The following SIPA1L1 variants were observed in gnomAD, a reference collection of about 807,000 sequenced individuals.
SIPA1L1 encodes the protein signal-induced proliferation-associated 1-like protein 1.
In SIPA1L1, 26 loss-of-function variants were observed where a neutral mutation model predicts 162.7. The ratio of observed to expected loss-of-function variants is 0.16; its 90% CI spans 0.12 to 0.22. The LOEUF (loss-of-function observed/expected upper bound fraction) is 0.22. Among genes scored for constraint, SIPA1L1 ranks in the 10% least tolerant of loss-of-function variants. The pLI is 1.00. For synonymous variants in SIPA1L1, 829 were observed against 837.4 expected (o/e 0.99, Z 0.17); for missense variants, 1,874 against 2,241.0 (o/e 0.84, Z 3.31).
intron 5 of SIPA1L1, among the ~76,000 whole-genome samples, chr14:71,594,412 A>T (rs909296497): frequency 6.6e-6 from 1 of 152,162 alleles, no homozygotes; most frequent in African/African-American, 2.4e-5. Flanking sequence ...TTGTGTGCTT[A>T]TTTTGTTTAT....
chr14:71,481,641 G>C (rs2048360067), intron 2 of SIPA1L1, among the ~76,000 whole-genome samples: 2 of 152,210 alleles, frequency 1.3e-5, no homozygotes, highest in South Asian at 4.1e-4. Flanking sequence ...ATATAGTTCA[G>C]TGGATTCCTA....
intron 4 of SIPA1L1, among the ~76,000 whole-genome samples, chr14:71,576,840 T>C (rs1466483701): frequency 6.6e-6 from 1 of 152,036 alleles, no homozygotes; most frequent in Non-Finnish European, 1.5e-5. Flanking sequence ...AATCCCAGAC[T>C]TTGGGAAGCC....
intron 2 of SIPA1L1, among the ~76,000 whole-genome samples, chr14:71,464,996 C>T (rs1464318929): frequency 1.3e-5 from 2 of 152,070 alleles, no homozygotes; most frequent in Non-Finnish European, 2.9e-5. Flanking sequence ...TCACTGTTGC[C>T]TCAGGCCACT....
At chr14:71,694,871 G>A (rs2081508913) in intron 13 of SIPA1L1, among the ~76,000 whole-genome samples, 2 of 152,206 alleles carry the variant, frequency 1.3e-5, no homozygotes, top group Admixed American at 1.3e-4. Context: ...ACTGGACTCA[G>A]CAGCTCTTAA....
At chr14:71,705,016 G>A (rs1188911283) in intron 15 of SIPA1L1, 2 of 610,838 alleles carry the variant, frequency 3.3e-6, no homozygotes, top group Admixed American at 2.9e-5. Flanking sequence ...GACGTGACAA[G>A]TTGTCACCAG....
intron 16 of SIPA1L1, among the ~76,000 whole-genome samples, chr14:71,707,164 C>T (rs1259991890): frequency 6.6e-6 from 1 of 151,466 alleles, no homozygotes; most frequent in Non-Finnish European, 1.5e-5. Flanking sequence ...CACACAGTTC[C>T]TTCTCTTCTC....
intron 2 of SIPA1L1, among the ~76,000 whole-genome samples, chr14:71,464,546 C>T (rs2046842621): frequency 1.3e-5 from 2 of 152,114 alleles, no homozygotes; most frequent in African/African-American, 2.4e-5. Flanking sequence ...GAGGCTAAGG[C>T]AGGAGAATCT....
At chr14:71,388,582 A>G (rs912607167) in intron 2 of SIPA1L1, among the ~76,000 whole-genome samples, 1 of 152,188 alleles carries the variant, frequency 6.6e-6, no homozygotes, top group Admixed American at 6.5e-5. Context: ...CCCACACGTC[A>G]CACGTGCTCT....
At chr14:71,341,608 C>CTG (rs2035660580) in intron 2 of SIPA1L1, among the ~76,000 whole-genome samples, 1 of 152,126 alleles carries the variant, frequency 6.6e-6, no homozygotes, top group Non-Finnish European at 1.5e-5. Flanking sequence ...TATGCAGGTA[C>CTG]TGAGCATCGT....
rs1567100923 is a variant in SIPA1L1, at chr14:71,492,903, G to A, written c.-464-19840G>A. On this transcript the variant is annotated intron_variant, in intron 2 of 23. Transcript: ENST00000381232. Reference sequence around the variant, plus strand: ...GGCCTCCCAAAGTGCTGGGATTATAGGCATGAGCCATTGTGCCCAGCCAGT... The same window carrying A: ...GGCCTCCCAAAGTGCTGGGATTATAAGCATGAGCCATTGTGCCCAGCCAGT... Among the ~76,000 whole-genome samples the A allele has an allele frequency of 3.3e-5, 5 of 151,950 alleles. No individual in the cohort carries two copies. The South Asian group carries it at 8.3e-4, about 25-fold the overall frequency.
Position 71,377,184 on chromosome 14 carries a change from C to T in SIPA1L1, c.-465+56003C>T, listed in dbSNP as rs1000891635. On this transcript the variant is annotated intron_variant, in intron 2 of 23. Coordinates refer to ENST00000381232, the MANE Select transcript of SIPA1L1 (RefSeq NM_001386936.1). This position sits in a 1 kb window ranked among gnomAD's most constrained non-coding sequence, Gnocchi z 4.8. ...AGCCCCCACCTCCCAGATGGGGCGGCGGCCGGGTGGGGGCGCCCCCCCACC... is the reference window on the plus strand; with the variant it reads ...AGCCCCCACCTCCCAGATGGGGCGGTGGCCGGGTGGGGGCGCCCCCCCACC... Among the ~76,000 whole-genome samples, 13 of 150,210 alleles carry T rather than the reference C, an allele frequency of 8.7e-5. No homozygotes were observed. The highest frequency in any genetic ancestry group is 8.2e-4 in the East Asian group (4 of 4,904).
intron 14 of SIPA1L1, among the ~76,000 whole-genome samples, chr14:71,699,635 GAGAA>G (rs1303630481): frequency 6.6e-6 from 1 of 152,202 alleles, no homozygotes; most frequent in Non-Finnish European, 1.5e-5. Context: ...GACCATGTGG[GAGAA>G]AGAACTGAGG....
intron 8 of SIPA1L1, among the ~76,000 whole-genome samples, chr14:71,657,479 G>A (rs1444758547): frequency 6.6e-6 from 1 of 151,994 alleles, no homozygotes; most frequent in African/African-American, 2.4e-5. Flanking sequence ...GAGTTGGGAA[G>A]TTAATAACTT....
At chr14:71,595,355 C>A (rs2035910184) in intron 5 of SIPA1L1, among the ~76,000 whole-genome samples, 1 of 152,162 alleles carries the variant, frequency 6.6e-6, no homozygotes, top group African/African-American at 2.4e-5. Flanking sequence ...GAAGTTGAAA[C>A]CGGTAGCTAC....
At chr14:71,365,401 C>G (rs561174409) in intron 2 of SIPA1L1, among the ~76,000 whole-genome samples, 27 of 152,222 alleles carry the variant, frequency 1.8e-4, no homozygotes, top group Non-Finnish European at 3.7e-4. Flanking sequence ...AGAGTCTCCT[C>G]TGCACGGCCT....
At chr14:71,392,097 C>T in intron 2 of SIPA1L1, among the ~76,000 whole-genome samples, 1 of 152,324 alleles carries the variant, frequency 6.6e-6, no homozygotes, top group Middle Eastern at 3.4e-3. Flanking sequence ...AGTCTCAACT[C>T]TCCAAGCAAG....
chr14:71,468,137 A>G (rs547113568), intron 2 of SIPA1L1, among the ~76,000 whole-genome samples: 4 of 151,836 alleles, frequency 2.6e-5, no homozygotes, highest in Admixed American at 1.3e-4. Context: ...TGATCTGTCA[A>G]TGACTTTCGT....
rs187538322 is a variant in SIPA1L1, at chr14:71,540,901, C to T, written c.-303+11531C>T. ...CAGCACTTTGGGAGGTCCAAGTAGGCGGATTGCCTGAGGTCAGGAGTTTGA... is the reference window on the plus strand; with the variant it reads ...CAGCACTTTGGGAGGTCCAAGTAGGTGGATTGCCTGAGGTCAGGAGTTTGA... On this transcript the variant is annotated intron_variant, in intron 4 of 23. Transcript: ENST00000381232. Among the ~76,000 whole-genome samples the T allele has an allele frequency of 1.5e-3, 228 of 152,074 alleles. 2 individuals are homozygous for T. Among genetic ancestry groups the T allele is most frequent in the Non-Finnish European group, 7.4e-4 (50 of 67,966 alleles).
chr14:71,572,909 G>C (rs1474750057), intron 4 of SIPA1L1, among the ~76,000 whole-genome samples: 1 of 152,178 alleles, frequency 6.6e-6, no homozygotes, highest in East Asian at 1.9e-4. Context: ...ACACACATGT[G>C]AACATAAATA....
Sources: gnomAD v4.1 joint callset for allele counts (sites outside exome capture counted in the v4.1 genomes callset) on GRCh38, gnomAD v4.1.1 for gene constraint, Gnocchi (gnomAD v3.1) non-coding constraint, MANE v1.5 for transcripts, NCBI Gene and HGNC (gene_info 2026-07-23, HGNC 2026-07-21) for gene names.